The following UNC5A variants were observed in gnomAD, a reference collection of about 807,000 sequenced individuals.
The protein encoded by UNC5A is netrin receptor UNC5A.
Under a neutral mutation model 87.4 loss-of-function variants are expected in UNC5A, and 20 were observed. The ratio of observed to expected loss-of-function variants is 0.23; its 90% CI spans 0.16 to 0.33. The LOEUF (loss-of-function observed/expected upper bound fraction) is 0.33. Among genes scored for constraint, UNC5A ranks in the 10% least tolerant of loss-of-function variants. The probability of loss-of-function intolerance (pLI) is 1.00; values close to 1 mark genes in which losing one functional copy is unlikely to be tolerated. For missense variants in UNC5A, 844 were observed against 1,133.4 expected, an observed-to-expected ratio of 0.74 and a Z score of 3.67; for synonymous variants, 438 against 482.3, an observed-to-expected ratio of 0.91 and a Z score of 1.20.
rs189483178 is a variant in UNC5A, at chr5:176,853,922, G to A, written c.71-8702G>A. Reference sequence around the variant, plus strand: ...AAGTCCTGGGGTGGACTGCACTCCCGAAAAACCTCATCCGCTATTTGCCCG... The same window carrying A: ...AAGTCCTGGGGTGGACTGCACTCCCAAAAAACCTCATCCGCTATTTGCCCG... On this transcript the variant is annotated intron_variant, in intron 1 of 14. Coordinates refer to ENST00000329542, the MANE Select transcript of UNC5A (RefSeq NM_133369.3). 3.0e-3 allele frequency among the ~76,000 whole-genome samples: 461 copies of A among 152,292 alleles called. 2 individuals are homozygous for A. Among genetic ancestry groups the A allele is most frequent in the African/African-American group, 0.011 (440 of 41,552 alleles).
chr5:176,819,194 T>C (rs73340038), intron 1 of UNC5A, among the ~76,000 whole-genome samples: 7,520 of 152,162 alleles, frequency 0.049, 512 homozygotes, highest in African/African-American at 0.15. Flanking sequence ...GCCCCAAGCC[T>C]GAATCCCAAC....
At chr5:176,853,636 C>T (rs1189637323) in intron 1 of UNC5A, among the ~76,000 whole-genome samples, 4 of 152,194 alleles carry the variant, frequency 2.6e-5, no homozygotes, top group Admixed American at 6.5e-5. Context: ...GTCGGGGGAG[C>T]AGCCCTCCCT....
At chr5:176,832,560 T>C (rs1325716303) in intron 1 of UNC5A, among the ~76,000 whole-genome samples, 1 of 152,174 alleles carries the variant, frequency 6.6e-6, no homozygotes, top group African/African-American at 2.4e-5. Flanking sequence ...CCCTGTGTGG[T>C]GTGTGGTGAG....
At chr5:176,853,115 G>C (rs1260456282) in intron 1 of UNC5A, among the ~76,000 whole-genome samples, 1 of 152,214 alleles carries the variant, frequency 6.6e-6, no homozygotes, top group South Asian at 2.1e-4. Context: ...CAGCGTGTGC[G>C]GGCACGACAA....
At chr5:176,836,902 C>A (rs1397689578) in intron 1 of UNC5A, among the ~76,000 whole-genome samples, 1 of 152,176 alleles carries the variant, frequency 6.6e-6, no homozygotes, top group Non-Finnish European at 1.5e-5. Context: ...CAAACTAGTT[C>A]TTGGGCAAAA....
At chr5:176,855,428 C>T (rs908921935) in intron 1 of UNC5A, among the ~76,000 whole-genome samples, 1 of 152,180 alleles carries the variant, frequency 6.6e-6, no homozygotes, top group Non-Finnish European at 1.5e-5. Flanking sequence ...AGAGGGGGAG[C>T]GTGCCCACCT....
At position 176,878,054 on chromosome 5, in the gene UNC5A, C is replaced by G; in HGVS notation, c.1796C>G (p.Ala599Gly). The G allele has an allele frequency of 6.2e-7, 1 of 1,609,638 alleles. No individual in the cohort carries two copies. The highest frequency in any genetic ancestry group is 8.5e-7 in the Non-Finnish European group (1 of 1,179,952). The change falls in exon 11 of 15, where the codon GCG becomes GGG. Residue 599 changes from alanine (A) to glycine (G), a missense_variant. Physicochemically the swap from Ala to Gly is moderately conservative, Grantham distance 60. Around this residue, in one of 3 missense-constraint regions of UNC5A, gnomAD observed 353 missense variants for 387.5 expected, o/e 0.91. Coordinates refer to ENST00000329542, the MANE Select transcript of UNC5A (RefSeq NM_133369.3). ...AAGCGCCTCAAGCTGCTTCTGTTTG[C>G]GCCGGTGGCCTGCACCTCCCTCGAG... ...AAKRLKLLLF[A>G]PVACTSLEYN...
intron 1 of UNC5A, among the ~76,000 whole-genome samples, chr5:176,836,178 G>A (rs937409915): frequency 1.3e-5 from 2 of 152,212 alleles, no homozygotes; most frequent in African/African-American, 4.8e-5. Flanking sequence ...GAAGTCTGGG[G>A]GAAGGCAGCT....
chr5:176,829,407 T>C (rs1352069160), intron 1 of UNC5A, among the ~76,000 whole-genome samples: 1 of 125,812 alleles, frequency 7.9e-6, no homozygotes, highest in Non-Finnish European at 1.6e-5. Context: ...GGTGGATGTA[T>C]GAAAGATGAA....
At chr5:176,857,239 G>A (rs143633804) in intron 1 of UNC5A, among the ~76,000 whole-genome samples, 2,853 of 152,356 alleles carry the variant, frequency 0.019, 44 homozygotes, top group South Asian at 0.045. Flanking sequence ...CTTCAGAGAC[G>A]GGGACTGTGT....
At chr5:176,818,850 C>A (rs142923502) in intron 1 of UNC5A, among the ~76,000 whole-genome samples, 201 of 152,320 alleles carry the variant, frequency 1.3e-3, no homozygotes, top group African/African-American at 4.5e-3. Context: ...AGTGTGCTTC[C>A]AGCCTGAGAA....
intron 1 of UNC5A, among the ~76,000 whole-genome samples, chr5:176,851,033 G>A (rs965774860): frequency 4.6e-5 from 7 of 152,196 alleles, no homozygotes; most frequent in African/African-American, 1.4e-4. Flanking sequence ...GGGCATGGAC[G>A]TGGGTCCCTC....
chr5:176,822,254 C>G (rs934071593), intron 1 of UNC5A, among the ~76,000 whole-genome samples: 2 of 152,248 alleles, frequency 1.3e-5, no homozygotes, highest in African/African-American at 4.8e-5. Flanking sequence ...TTTTGGCCCC[C>G]CTCTGTGACA....
At position 176,869,817 on chromosome 5, in the gene UNC5A, C is replaced by A; in HGVS notation, c.722-553C>A. On this transcript the variant is annotated intron_variant, in intron 5 of 14. Transcript: ENST00000329542. This position sits in a 1 kb window ranked among gnomAD's most constrained non-coding sequence, Gnocchi z 9.1. ...CCACCGCCTCCCGCATCGTTCCTCA[C>A]CACGCCATCTCCGTGCCCTGGCTCC... The A allele has an allele frequency of 3.4e-6, 2 of 585,078 alleles. No homozygotes were observed. Among genetic ancestry groups the A allele is most frequent in the South Asian group, 1.9e-5 (1 of 51,776 alleles). 36.2% of individuals were successfully genotyped at this position (585,078 alleles called of 1,614,324 possible).
intron 1 of UNC5A, among the ~76,000 whole-genome samples, chr5:176,861,581 C>T (rs546141601): frequency 2.0e-5 from 3 of 152,274 alleles, no homozygotes; most frequent in East Asian, 3.9e-4. Flanking sequence ...AGTCTGAAGC[C>T]CTGGGTGGGT....
chr5:176,868,889 A>T lies in UNC5A; in HGVS notation c.646A>T (p.Thr216Ser). The T allele has an allele frequency of 1.9e-6, 3 of 1,612,790 alleles. No individual in the cohort carries two copies. Among genetic ancestry groups the T allele is most frequent in the Non-Finnish European group, 2.5e-6 (3 of 1,179,858 alleles). ...GGTGCGACAGGCCCGCCTTGCTGACACGGCCAACTACACCTGCGTGGCCAA... is the reference window on the plus strand; with the variant it reads ...GGTGCGACAGGCCCGCCTTGCTGACTCGGCCAACTACACCTGCGTGGCCAA... ...LVVRQARLAD[T>S]ANYTCVAKNI... The change falls in exon 5 of 15, where the codon ACG becomes TCG. Residue 216 changes from threonine (T) to serine (S), a missense_variant. This residue lies in a region of UNC5A where 314 missense variants were observed against 466.5 expected (regional missense o/e 0.67). Coordinates refer to ENST00000329542, the MANE Select transcript of UNC5A (RefSeq NM_133369.3).
At chr5:176,859,909 C>T (rs1003940635) in intron 1 of UNC5A, among the ~76,000 whole-genome samples, 2 of 152,246 alleles carry the variant, frequency 1.3e-5, no homozygotes, top group African/African-American at 2.4e-5. Flanking sequence ...GCCACTGTGG[C>T]GTGACAGAGG....
In UNC5A at chr5:176,864,980, A is replaced by C. The variant is rs1315051609; in HGVS notation, c.292+2135A>C. Reference sequence around the variant, plus strand: ...CTGGGAGGGTCTGCAGGAGAACCGCAGGCAAGTCCCTCCCCTCCCTGGGCT... The same window carrying C: ...CTGGGAGGGTCTGCAGGAGAACCGCCGGCAAGTCCCTCCCCTCCCTGGGCT... On this transcript the variant is annotated intron_variant, in intron 2 of 14. Transcript: ENST00000329542. 7 of 368,120 alleles carry C rather than the reference A, an allele frequency of 1.9e-5. No individual in the cohort carries two copies. In the East Asian group the frequency reaches 5.5e-4, roughly 29 times the overall value. The allele number at this position is 368,120 out of a possible 1,614,324, so 22.8% of individuals were successfully genotyped here.
rs1757990199 is a variant in UNC5A, at chr5:176,866,998, T to C, written c.293-1132T>C. On this transcript the variant is annotated intron_variant, in intron 2 of 14. Transcript: ENST00000329542. The surrounding 1 kb of genome is among the most constrained non-coding windows in gnomAD (Gnocchi z 5.0). ...TTGTGAGGAGGGGTCTGGGAAGCAG[T>C]CGGAGAAAGTCATGTTAGAGAAATT... Among the ~76,000 whole-genome samples, 1 of 152,136 alleles carries C rather than the reference T, an allele frequency of 6.6e-6. No homozygotes were observed. Among genetic ancestry groups the C allele is most frequent in the African/African-American group, 2.4e-5 (1 of 41,414 alleles).
Sources: gnomAD v4.1 joint callset for allele counts (sites outside exome capture counted in the v4.1 genomes callset) on GRCh38, gnomAD v4.1.1 for gene constraint, gnomAD v4.1.1 regional missense constraint, Gnocchi (gnomAD v3.1) non-coding constraint, MANE v1.5 for transcripts, NCBI Gene and HGNC (gene_info 2026-07-23, HGNC 2026-07-21) for gene names.